Variants in PAGE2B observed in about 807,000 individuals in gnomAD.
PAGE2B encodes the protein PAGE family member 2B, also known as putative G antigen family E member 3.
In PAGE2B, 5 loss-of-function variants were observed where a neutral mutation model predicts 7.6. The ratio of observed to expected loss-of-function variants is 0.66; its 90% CI spans 0.34 to 1.38. The LOEUF (loss-of-function observed/expected upper bound fraction) is 1.38. Ranked by LOEUF, PAGE2B falls within the 40% of genes most tolerant of loss-of-function variation. PAGE2B has a pLI of 0.04. For synonymous variants in PAGE2B, 29 were observed against 26.7 expected, an observed-to-expected ratio of 1.09 and a Z score of -0.27; for missense variants, 70 against 78.4, an observed-to-expected ratio of 0.89 and a Z score of 0.41.
At chrX:55,076,730 A>G (rs1391456666) in intron 3 of PAGE2B, 53 bp downstream of exon 3, 47 of 985,308 alleles carry the variant, frequency 4.8e-5, no homozygotes, top group Non-Finnish European at 5.9e-5. Context: ...CTATTTATGC[A>G]TTGTATTTTA....
the PAGE2B span, among the ~76,000 whole-genome samples, chrX:55,030,584 A>C: frequency 9.0e-6 from 1 of 111,433 alleles, no homozygotes; most frequent in African/African-American, 3.3e-5. Flanking sequence ...AGACGGAGAG[A>C]TACAAAGCCG....
chrX:55,057,577 T>C, the PAGE2B span, among the ~76,000 whole-genome samples: 1 of 110,815 alleles, frequency 9.0e-6, no homozygotes, highest in African/African-American at 3.3e-5. Flanking sequence ...CCTAATGATA[T>C]TGCCTCTGTA....
chrX:55,031,558 C>T, the PAGE2B span, among the ~76,000 whole-genome samples: 1 of 111,803 alleles, frequency 8.9e-6, no homozygotes, highest in African/African-American at 3.3e-5. Flanking sequence ...ACATAAGGAC[C>T]TTAAAAGATA....
chrX:55,036,976 A>G, the PAGE2B span, among the ~76,000 whole-genome samples: 6 of 111,020 alleles, frequency 5.4e-5, no homozygotes, highest in Non-Finnish European at 9.4e-5. Context: ...AATACCATTC[A>G]GGACATAGGC....
At chrX:55,056,274 A>G in the PAGE2B span, among the ~76,000 whole-genome samples, 1 of 110,254 alleles carries the variant, frequency 9.1e-6, no homozygotes, top group Non-Finnish European at 1.9e-5. Context: ...AGGTTGGGAG[A>G]GTGGTGGGAG....
At chrX:55,074,236 G>A (rs1261350906), upstream of PAGE2B, among the ~76,000 whole-genome samples, 2 of 111,359 alleles carry the variant, frequency 1.8e-5, no homozygotes, top group Admixed American at 1.9e-4. Context: ...ATAATAACTA[G>A]TATCTCAACA....
chrX:55,053,778 T>C, the PAGE2B span, among the ~76,000 whole-genome samples: 11 of 112,253 alleles, frequency 9.8e-5, no homozygotes, highest in Admixed American at 3.8e-4. Context: ...CATCTATTTC[T>C]TATTTTTTCA....
At chrX:55,033,904 T>A in the PAGE2B span, among the ~76,000 whole-genome samples, 2 of 112,609 alleles carry the variant, frequency 1.8e-5, no homozygotes, top group African/African-American at 6.4e-5. Context: ...TCAATGATTA[T>A]TAGTATATTT....
At chrX:55,064,265 A>C in the PAGE2B span, among the ~76,000 whole-genome samples, 1 of 111,110 alleles carries the variant, frequency 9.0e-6, no homozygotes, top group South Asian at 3.7e-4. Context: ...GGATTTCTTC[A>C]TGGTTCAATC....
At chrX:55,030,927 G>A in the PAGE2B span, 14 of 340,224 alleles carry the variant, frequency 4.1e-5, no homozygotes. Context: ...GTGCCAGGCT[G>A]AAAGCAGCTC....
chrX:55,066,773 G>A, the PAGE2B span, among the ~76,000 whole-genome samples: 2 of 111,230 alleles, frequency 1.8e-5, no homozygotes, highest in Admixed American at 9.6e-5. Flanking sequence ...TCTTCTTTGG[G>A]TTAAATCTGC....
the PAGE2B span, among the ~76,000 whole-genome samples, chrX:55,043,793 G>T: frequency 1.8e-5 from 2 of 109,494 alleles, no homozygotes; most frequent in African/African-American, 3.3e-5. Context: ...CTGGAGAAAC[G>T]CCCGCTCTAC....
At chrX:55,036,022 T>C in the PAGE2B span, among the ~76,000 whole-genome samples, 1 of 111,944 alleles carries the variant, frequency 8.9e-6, no homozygotes, top group Non-Finnish European at 1.9e-5. Context: ...TCACATCCCT[T>C]GTAAGCTGGA....
At chrX:55,075,295 C>G (rs1221852123) in intron 1 of PAGE2B, among the ~76,000 whole-genome samples, 181 bp downstream of exon 1, 1 of 111,441 alleles carries the variant, frequency 9.0e-6, no homozygotes, top group Non-Finnish European at 1.9e-5. Flanking sequence ...CGTGGCTGGG[C>G]TGGGACGAGG....
chrX:55,058,844 T>C, the PAGE2B span, among the ~76,000 whole-genome samples: 4 of 110,734 alleles, frequency 3.6e-5, no homozygotes, highest in African/African-American at 1.3e-4. Context: ...GTGTTAGTCT[T>C]CGAAAATTTT....
chrX:55,048,486 AGT>A, the PAGE2B span, among the ~76,000 whole-genome samples: 12 of 111,553 alleles, frequency 1.1e-4, no homozygotes, highest in South Asian at 4.5e-3. Context: ...TTCATTGAGC[AGT>A]GGTTTGTAGT....
the PAGE2B span, among the ~76,000 whole-genome samples, chrX:55,051,263 T>C: frequency 9.0e-6 from 1 of 111,397 alleles, no homozygotes; most frequent in Non-Finnish European, 1.9e-5. Flanking sequence ...ATTTCAACTT[T>C]GGTGAATCTG....
At chrX:55,070,286 G>A (rs778548205), upstream of PAGE2B, among the ~76,000 whole-genome samples, 3 of 111,666 alleles carry the variant, frequency 2.7e-5, no homozygotes, top group South Asian at 3.7e-4. Flanking sequence ...CCTTCATTTC[G>A]TTATGTACCC....
In PAGE2B at chrX:55,077,323, G is replaced by A. The variant is rs1936532548; in HGVS notation, c.194-76G>A. ...ACAGGTTTTTACTTCATAATGATGA[G>A]GGAATAAATATTATCATTTCCTTGT... On this transcript the variant is annotated intron_variant, in intron 3 of 4. Coordinates refer to ENST00000374971, the MANE Select transcript of PAGE2B (RefSeq NM_001015038.3). 3.4e-6 allele frequency: 4 copies of A among 1,182,477 alleles called. No individual in the cohort carries two copies. In the East Asian group the frequency reaches 1.2e-4, roughly 35 times the overall value.
Sources: gnomAD v4.1 joint callset for allele counts (sites outside exome capture counted in the v4.1 genomes callset) on GRCh38, gnomAD v4.1.1 for gene constraint, MANE v1.5 for transcripts, NCBI Gene and HGNC (gene_info 2026-07-23, HGNC 2026-07-21) for gene names.